The following MYO5B variants were observed in gnomAD, a reference collection of about 807,000 sequenced individuals.
The protein encoded by MYO5B is myosin VB.
Under a neutral mutation model 229.3 loss-of-function variants are expected in MYO5B, and 143 were observed. The ratio of observed to expected loss-of-function variants is 0.62; its 90% CI spans 0.54 to 0.72. The LOEUF (loss-of-function observed/expected upper bound fraction) is 0.72, where lower values mean the gene tolerates loss of function less well. Among genes scored for constraint, MYO5B ranks in the 30% least tolerant of loss-of-function variants. The probability of loss-of-function intolerance (pLI) is 0.00; values close to 1 mark genes in which losing one functional copy is unlikely to be tolerated. For missense variants in MYO5B, 2,321 were observed against 2,331.0 expected (o/e 1.00, Z 0.09); for synonymous variants, 918 against 885.2 (o/e 1.04, Z -0.66).
chr18:50,118,662 T>C (rs1185954873), intron 1 of MYO5B, among the ~76,000 whole-genome samples: 2 of 149,644 alleles, frequency 1.3e-5, no homozygotes, highest in African/African-American at 2.5e-5. Context: ...TCTCGCTTTG[T>C]CGCCCAGGCT....
At chr18:50,133,108 C>T (rs137934471) in intron 1 of MYO5B, among the ~76,000 whole-genome samples, 1 of 152,286 alleles carries the variant, frequency 6.6e-6, no homozygotes, top group African/African-American at 2.4e-5. Context: ...ATGACTGTTT[C>T]CTTCCTGGAA....
At chr18:50,014,251 A>C (rs1377690417) in intron 4 of MYO5B, among the ~76,000 whole-genome samples, 1 of 145,910 alleles carries the variant, frequency 6.9e-6, no homozygotes, top group Non-Finnish European at 1.5e-5. Flanking sequence ...AAAAGTCCCA[A>C]AATTATGGAG....
At chr18:49,879,645 T>C (rs2024565038) in intron 23 of MYO5B, among the ~76,000 whole-genome samples, 1 of 152,232 alleles carries the variant, frequency 6.6e-6, no homozygotes, top group African/African-American at 2.4e-5. Context: ...TGTGAGGTCA[T>C]GTGGTTCCAT....
intron 1 of MYO5B, among the ~76,000 whole-genome samples, chr18:50,166,513 G>C (rs1389102463): frequency 1.3e-5 from 2 of 152,060 alleles, no homozygotes; most frequent in Non-Finnish European, 2.9e-5. Context: ...TATTATAGTA[G>C]ACCTTAAAGC....
chr18:50,154,986 TA>T (rs1444554030), intron 1 of MYO5B, among the ~76,000 whole-genome samples: 7 of 152,216 alleles, frequency 4.6e-5, no homozygotes, highest in Admixed American at 1.3e-4. Context: ...CACCACAGAC[TA>T]AAAAGGCCTG....
intron 1 of MYO5B, among the ~76,000 whole-genome samples, chr18:50,180,533 T>G (rs1309069150): frequency 6.6e-6 from 1 of 152,184 alleles, no homozygotes; most frequent in Non-Finnish European, 1.5e-5. Flanking sequence ...CGAGTTTAGT[T>G]TTTACATTGT....
At chr18:49,847,553 G>T (rs751467098) in intron 32 of MYO5B, among the ~76,000 whole-genome samples, 1 of 152,250 alleles carries the variant, frequency 6.6e-6, no homozygotes, top group Admixed American at 6.5e-5. Context: ...CTGGATAGGG[G>T]AGAGGAAACA....
intron 1 of MYO5B, among the ~76,000 whole-genome samples, chr18:50,163,762 G>A (rs1208350462): frequency 1.3e-5 from 2 of 152,198 alleles, no homozygotes; most frequent in Non-Finnish European, 1.5e-5. Context: ...AGCTGCACCA[G>A]GACCCCATGG....
At position 49,824,524 on chromosome 18, in the gene MYO5B, A is replaced by C. The variant is rs2023818078; in HGVS notation, c.*1947T>G. 2 of 152,576 alleles carry C rather than the reference A, an allele frequency of 1.3e-5. No individual in the cohort carries two copies. Among genetic ancestry groups the C allele is most frequent in the East Asian group, 3.9e-4 (2 of 5,194 alleles). 9.5% of individuals were successfully genotyped at this position (152,576 alleles called of 1,614,324 possible). A position where few individuals can be genotyped will look rare whatever the true frequency, so the allele number is the denominator to read the frequency against. On this transcript the variant is annotated 3_prime_UTR_variant, in exon 40 of 40. Transcript: ENST00000285039. ...AGACAGTGTATAAGGATAGTAAGCC[A>C]CTGTGTTTGTGGAACCACTGCATGT... is the stretch of plus-strand genomic sequence containing the variant.
At chr18:50,081,204 T>A (rs1599006253) in intron 1 of MYO5B, among the ~76,000 whole-genome samples, 1 of 152,230 alleles carries the variant, frequency 6.6e-6, no homozygotes, top group East Asian at 1.9e-4. Flanking sequence ...TGGGTCCTTC[T>A]GTTGTGGCCA....
chr18:49,825,577 G>C lies in MYO5B; in HGVS notation c.*894C>G, dbSNP rs1159012457. The C allele has an allele frequency of 1.3e-5, 2 of 152,188 alleles. No individual in the cohort carries two copies. Among genetic ancestry groups the C allele is most frequent in the Non-Finnish European group, 2.9e-5 (2 of 68,028 alleles). The allele number at this position is 152,188 out of a possible 1,614,324, so 9.4% of individuals were successfully genotyped here. A position where few individuals can be genotyped will look rare whatever the true frequency, so the allele number is the denominator to read the frequency against. ...TACTGGAAGCTTAATGGTATTAAGA[G>C]ATTAAAAGCTTTCATATTGACTTGT... On this transcript the variant is annotated 3_prime_UTR_variant, in exon 40 of 40. Coordinates refer to ENST00000285039, the MANE Select transcript of MYO5B (RefSeq NM_001080467.3).
intron 1 of MYO5B, among the ~76,000 whole-genome samples, chr18:50,159,951 A>C (rs1014215185): frequency 3.3e-5 from 5 of 152,218 alleles, no homozygotes; most frequent in African/African-American, 1.2e-4. Context: ...ACAGGCACAC[A>C]GACGCTCCAC....
At chr18:50,082,366 A>G (rs2031238741) in intron 1 of MYO5B, among the ~76,000 whole-genome samples, 1 of 152,234 alleles carries the variant, frequency 6.6e-6, no homozygotes, top group Non-Finnish European at 1.5e-5. Context: ...TGACCTGCAA[A>G]AAGATTGTTT....
chr18:50,123,901 A>G (rs1189000032), intron 1 of MYO5B, among the ~76,000 whole-genome samples: 3 of 152,200 alleles, frequency 2.0e-5, no homozygotes, highest in Non-Finnish European at 4.4e-5. Context: ...CAAATACTTT[A>G]TGTATATATA....
intron 1 of MYO5B, among the ~76,000 whole-genome samples, chr18:50,114,884 T>C (rs2031931356): frequency 6.6e-6 from 1 of 152,216 alleles, no homozygotes; most frequent in Non-Finnish European, 1.5e-5. Context: ...TGTTTATCTG[T>C]AGAACCCTCC....
intron 4 of MYO5B, among the ~76,000 whole-genome samples, chr18:50,008,487 C>T (rs376971890): frequency 4.6e-5 from 7 of 152,290 alleles, no homozygotes; most frequent in East Asian, 1.9e-4. Flanking sequence ...CAAACTTTGT[C>T]GTCCCTGCCC....
intron 4 of MYO5B, among the ~76,000 whole-genome samples, chr18:50,024,789 G>A (rs1221697227): frequency 1.3e-5 from 2 of 152,290 alleles, no homozygotes; most frequent in East Asian, 3.9e-4. Context: ...GAGGTTCCCT[G>A]ACTTCCCGAG....
chr18:50,005,995 T>C (rs943818897), intron 4 of MYO5B, among the ~76,000 whole-genome samples: 5 of 152,212 alleles, frequency 3.3e-5, no homozygotes, highest in Admixed American at 1.3e-4. Context: ...TTCGCCTTCT[T>C]TTGAAGTCAG....
intron 17 of MYO5B, 90 bp downstream of exon 17, chr18:49,929,422 G>T: frequency 9.6e-7 from 1 of 1,037,342 alleles, no homozygotes; most frequent in South Asian, 1.4e-5. Context: ...ATCTGTTTCT[G>T]GCCGACGGTA....
Sources: gnomAD v4.1 joint callset for allele counts (sites outside exome capture counted in the v4.1 genomes callset) on GRCh38, gnomAD v4.1.1 for gene constraint, MANE v1.5 for transcripts, NCBI Gene and HGNC (gene_info 2026-07-23, HGNC 2026-07-21) for gene names.